VWA3B: variants seen among roughly 807,000 people sequenced by gnomAD.
The protein encoded by VWA3B is von Willebrand factor A domain-containing protein 3B.
In VWA3B, 138 loss-of-function variants were observed where a neutral mutation model predicts 158.3. That is an observed-to-expected ratio of 0.87 (90% CI 0.76 to 1.00). The LOEUF (loss-of-function observed/expected upper bound fraction) is 1.00. Ranked by LOEUF, VWA3B falls within the 50% of genes least tolerant of loss-of-function variation. VWA3B has a pLI of 0.00. For missense variants in VWA3B, 1,555 were observed against 1,565.1 expected (o/e 0.99, Z 0.11); for synonymous variants, 596 against 587.3 (o/e 1.01, Z -0.21).
intron 8 of VWA3B, among the ~76,000 whole-genome samples, chr2:98,172,029 G>A (rs1157748859): frequency 6.6e-6 from 1 of 152,234 alleles, no homozygotes; most frequent in Non-Finnish European, 1.5e-5. Context: ...TACAGCTCCT[G>A]CAGCCCCAAT....
chr2:98,299,483 G>A (rs1014354104), intron 24 of VWA3B, among the ~76,000 whole-genome samples: 1 of 152,224 alleles, frequency 6.6e-6, no homozygotes, highest in African/African-American at 2.4e-5. Flanking sequence ...AGCGCTGGAG[G>A]AGGAATTGGA....
chr2:98,211,415 C>T (rs1419200939), intron 12 of VWA3B, among the ~76,000 whole-genome samples: 2 of 152,156 alleles, frequency 1.3e-5, no homozygotes, highest in Non-Finnish European at 2.9e-5. Flanking sequence ...AAGAGATTTT[C>T]TAAGTGTTTA....
intron 13 of VWA3B, among the ~76,000 whole-genome samples, chr2:98,212,860 C>T (rs1255075599): frequency 1.3e-5 from 2 of 152,180 alleles, no homozygotes; most frequent in East Asian, 1.9e-4. Flanking sequence ...AGCAGTTCAT[C>T]GTGTCTCTCT....
intron 26 of VWA3B, among the ~76,000 whole-genome samples, chr2:98,311,187 G>A (rs200551993): frequency 6.6e-6 from 1 of 152,146 alleles, no homozygotes. Context: ...CTCCCAAAAC[G>A]GTGAGCCATG....
chr2:98,282,025 C>T (rs1260111834), intron 22 of VWA3B, among the ~76,000 whole-genome samples: 3 of 152,072 alleles, frequency 2.0e-5, no homozygotes, highest in East Asian at 1.9e-4. Context: ...CATGTATAGG[C>T]GAGGTATGGC....
intron 19 of VWA3B, among the ~76,000 whole-genome samples, chr2:98,246,865 A>AT (rs758448488): frequency 6.6e-6 from 1 of 151,928 alleles, no homozygotes; most frequent in Non-Finnish European, 1.5e-5. Context: ...GTGCAATACC[A>AT]TTTTTTGTAA....
intron 7 of VWA3B, among the ~76,000 whole-genome samples, chr2:98,134,590 C>T (rs7574858): frequency 0.42 from 64,311 of 151,724 alleles, 14,009 homozygotes; most frequent in African/African-American, 0.46. Flanking sequence ...ACTGAATAAA[C>T]CCCACTGAGA....
At chr2:98,179,733 C>G (rs573558069) in intron 8 of VWA3B, among the ~76,000 whole-genome samples, 28 of 150,770 alleles carry the variant, frequency 1.9e-4, no homozygotes, top group African/African-American at 6.3e-4. Context: ...TCTTCTCTCT[C>G]TCTCTCCTTC....
intron 2 of VWA3B, among the ~76,000 whole-genome samples, chr2:98,108,130 A>G (rs752679028): frequency 6.6e-6 from 1 of 151,960 alleles, no homozygotes; most frequent in Non-Finnish European, 1.5e-5. Flanking sequence ...GGACTTTTAG[A>G]TGCGTATTGT....
chr2:98,279,367 T>C (rs1043875691), intron 22 of VWA3B, among the ~76,000 whole-genome samples: 1 of 152,204 alleles, frequency 6.6e-6, no homozygotes, highest in African/African-American at 2.4e-5. Context: ...CCCTCCTCGC[T>C]GGAGATTCGG....
At chr2:98,273,543 A>G (rs1286335959) in intron 22 of VWA3B, among the ~76,000 whole-genome samples, 2 of 152,208 alleles carry the variant, frequency 1.3e-5, no homozygotes, top group African/African-American at 4.8e-5. Context: ...CTAAGACTCA[A>G]GAGGACCAAG....
intron 21 of VWA3B, among the ~76,000 whole-genome samples, chr2:98,262,555 C>G (rs1220208264): frequency 6.6e-6 from 1 of 151,648 alleles, no homozygotes; most frequent in Non-Finnish European, 1.5e-5. Context: ...TCTTGGCACC[C>G]TTGTCAAAAA....
chr2:98,142,203 A>G (rs142044015), intron 7 of VWA3B, among the ~76,000 whole-genome samples: 1 of 152,238 alleles, frequency 6.6e-6, no homozygotes, highest in East Asian at 1.9e-4. Context: ...TTGCCGCTTC[A>G]GGCTGAACAG....
At chr2:98,249,549 C>A (rs892039090) in intron 19 of VWA3B, among the ~76,000 whole-genome samples, 1 of 152,086 alleles carries the variant, frequency 6.6e-6, no homozygotes, top group Non-Finnish European at 1.5e-5. Flanking sequence ...GAAAGGGTCC[C>A]CCCAAAATTG....
intron 14 of VWA3B, among the ~76,000 whole-genome samples, chr2:98,223,464 A>T (rs1684674317): frequency 6.6e-6 from 1 of 152,228 alleles, no homozygotes; most frequent in Non-Finnish European, 1.5e-5. Flanking sequence ...AAAGTTGGTG[A>T]AATATACAAA....
chr2:98,186,696 C>T (rs994537695), intron 9 of VWA3B, among the ~76,000 whole-genome samples: 1 of 152,086 alleles, frequency 6.6e-6, no homozygotes, highest in African/African-American at 2.4e-5. Flanking sequence ...CCACTTCTTA[C>T]CATGGTCTTG....
chr2:98,123,289 T>C (rs1675106565), intron 5 of VWA3B, among the ~76,000 whole-genome samples: 1 of 152,192 alleles, frequency 6.6e-6, no homozygotes, highest in Non-Finnish European at 1.5e-5. Context: ...CAAGTTAGCA[T>C]CTCCCTCCAT....
At chr2:98,236,283 T>C in intron 17 of VWA3B, 107 bp from the exon 18 acceptor site, 1 of 1,203,814 alleles carries the variant, frequency 8.3e-7, no homozygotes, top group Non-Finnish European at 1.2e-6. Flanking sequence ...TGTGGTCCAT[T>C]TATTAGCTCT....
chr2:98,239,033 C>T (rs1004991724), intron 19 of VWA3B, among the ~76,000 whole-genome samples: 7 of 152,052 alleles, frequency 4.6e-5, no homozygotes, highest in African/African-American at 1.2e-4. Flanking sequence ...TAAAAATCAC[C>T]GATAAACAGT....
Sources: gnomAD v4.1 joint callset for allele counts (sites outside exome capture counted in the v4.1 genomes callset) on GRCh38, gnomAD v4.1.1 for gene constraint, MANE v1.5 for transcripts, NCBI Gene and HGNC (gene_info 2026-07-23, HGNC 2026-07-21) for gene names.